Variants in MSI2 observed in about 807,000 individuals in gnomAD.
The protein encoded by MSI2 is RNA-binding protein Musashi homolog 2.
Under a neutral mutation model 45.6 loss-of-function variants are expected in MSI2, and 17 were observed. That is an observed-to-expected ratio of 0.37 (90% CI 0.26 to 0.56). MSI2 has a LOEUF of 0.56. Among genes scored for constraint, MSI2 ranks in the 20% least tolerant of loss-of-function variants. The pLI is 0.77. For synonymous variants in MSI2, 156 were observed against 158.2 expected (o/e 0.99, Z 0.11); for missense variants, 293 against 444.2 (o/e 0.66, Z 3.06).
intron 11 of MSI2, chr17:57,671,682 C>G (rs552848616): frequency 6.6e-6 from 1 of 152,048 alleles, no homozygotes; most frequent in African/African-American, 2.4e-5. Context: ...CGTAGCCAGC[C>G]AGTGTTCAGT....
intron 6 of MSI2, among the ~76,000 whole-genome samples, chr17:57,485,398 C>T (rs1369688148): frequency 6.6e-6 from 1 of 152,162 alleles, no homozygotes; most frequent in Admixed American, 6.5e-5. Flanking sequence ...CCATGTTGGC[C>T]TGTTGTTTAA....
rs1382996771 is a variant in MSI2, at chr17:57,596,536, C to T, written c.455-332C>T. ...CAGTGATCCACGAGGCTCTGGTTAG[C>T]CCACCCGCCTGCTGCCGTGCACAGA... On this transcript the variant is annotated intron_variant, in intron 7 of 13. Transcript: ENST00000284073. The surrounding 1 kb of genome is among the most constrained non-coding windows in gnomAD (Gnocchi z 4.6). Among the ~76,000 whole-genome samples the T allele has an allele frequency of 6.6e-6, 1 of 152,230 alleles. No homozygotes were observed. The highest frequency in any genetic ancestry group is 1.5e-5 in the Non-Finnish European group (1 of 68,042).
chr17:57,483,418 CT>C (rs2085687866), intron 6 of MSI2, among the ~76,000 whole-genome samples: 1 of 152,198 alleles, frequency 6.6e-6, no homozygotes. Context: ...CGAATCACCT[CT>C]GGGGCTTATT....
chr17:57,445,609 A>G (rs985255343), intron 6 of MSI2, among the ~76,000 whole-genome samples: 1 of 152,126 alleles, frequency 6.6e-6, no homozygotes, highest in Non-Finnish European at 1.5e-5. Context: ...TATAAAGATT[A>G]TAATGCATAC....
At chr17:57,293,328 C>T (rs1685281193) in intron 5 of MSI2, among the ~76,000 whole-genome samples, 1 of 152,056 alleles carries the variant, frequency 6.6e-6, no homozygotes, top group African/African-American at 2.4e-5. Context: ...ATGTACAGCT[C>T]GCATTCCAGC....
chr17:57,450,041 A>G (rs997396413), intron 6 of MSI2: 1 of 152,262 alleles, frequency 6.6e-6, no homozygotes. Flanking sequence ...CAAACAAACA[A>G]ACAAACAAAC....
intron 8 of MSI2, among the ~76,000 whole-genome samples, chr17:57,600,076 C>T (rs779277360): frequency 2.0e-5 from 3 of 152,170 alleles, no homozygotes; most frequent in African/African-American, 4.8e-5. Context: ...TTTTGTGATA[C>T]TGGTTTCTAC....
At chr17:57,284,119 C>A (rs536929379) in intron 5 of MSI2, among the ~76,000 whole-genome samples, 1 of 152,156 alleles carries the variant, frequency 6.6e-6, no homozygotes, top group Non-Finnish European at 1.5e-5. Context: ...AAAAGGGGCC[C>A]GCTGAGTTGA....
At chr17:57,592,907 C>A (rs531396042) in intron 7 of MSI2, among the ~76,000 whole-genome samples, 2 of 152,226 alleles carry the variant, frequency 1.3e-5, no homozygotes, top group South Asian at 2.1e-4. Flanking sequence ...TGCAGTGGAC[C>A]AGGAAGGAGT....
chr17:57,287,996 C>T (rs1910081478), intron 5 of MSI2, among the ~76,000 whole-genome samples: 2 of 152,184 alleles, frequency 1.3e-5, no homozygotes, highest in Admixed American at 1.3e-4. Flanking sequence ...TGAGCCTCCT[C>T]CTCCTCCTTT....
rs193004923 is a variant in MSI2, at chr17:57,656,751, C to G, written c.790+4590C>G. ...TTGGAACATCCAAGAGGAACCACCC[C>G]TAGTTTCCTCCAGTTCCCCAGGAAG... On this transcript the variant is annotated intron_variant, in intron 11 of 13. Transcript: ENST00000284073. Among the ~76,000 whole-genome samples the G allele has an allele frequency of 2.0e-5, 3 of 152,264 alleles. No homozygotes were observed. In the East Asian group the frequency reaches 5.8e-4, roughly 29 times the overall value.
intron 7 of MSI2, among the ~76,000 whole-genome samples, chr17:57,569,295 G>A (rs79872291): frequency 6.6e-6 from 1 of 152,204 alleles, no homozygotes; most frequent in Non-Finnish European, 1.5e-5. Flanking sequence ...TTGGAAATGG[G>A]CTCCAGTTTG....
chr17:57,351,120 T>C (rs1242166435), intron 5 of MSI2, among the ~76,000 whole-genome samples: 3 of 152,072 alleles, frequency 2.0e-5, no homozygotes, highest in African/African-American at 2.4e-5. Context: ...CTTCCCACCT[T>C]CTCTTGATAG....
chr17:57,342,584 C>T (rs905321978), intron 5 of MSI2, among the ~76,000 whole-genome samples: 6 of 152,174 alleles, frequency 3.9e-5, no homozygotes, highest in Admixed American at 1.3e-4. Context: ...CCAGACTGTC[C>T]GTTCTTCATT....
intron 7 of MSI2, among the ~76,000 whole-genome samples, chr17:57,553,699 G>GTGCCT (rs1215398702): frequency 1.2e-4 from 18 of 152,204 alleles, no homozygotes; most frequent in African/African-American, 3.4e-4. Context: ...CCCAGCTCAT[G>GTGCCT]TGCCTTTGTG....
chr17:57,338,101 T>C (rs1914823600), intron 5 of MSI2, among the ~76,000 whole-genome samples: 3 of 152,340 alleles, frequency 2.0e-5, no homozygotes, highest in Admixed American at 2.0e-4. Context: ...GTTTTTTATT[T>C]ATTTTTGAGA....
intron 7 of MSI2, among the ~76,000 whole-genome samples, chr17:57,544,400 G>T (rs976382236): frequency 1.1e-4 from 17 of 152,312 alleles, no homozygotes; most frequent in African/African-American, 4.1e-4. Flanking sequence ...AAACAAAGTG[G>T]TTTGAATCAG....
chr17:57,417,193 T>C (rs777457885), intron 6 of MSI2, among the ~76,000 whole-genome samples: 13 of 152,152 alleles, frequency 8.5e-5, no homozygotes, highest in Non-Finnish European at 1.9e-4. Flanking sequence ...AGCCTGAGCA[T>C]TGACCTGGAA....
chr17:57,501,729 C>G (rs2086111033), intron 6 of MSI2, among the ~76,000 whole-genome samples: 1 of 152,206 alleles, frequency 6.6e-6, no homozygotes, highest in South Asian at 2.1e-4. Context: ...CGAGACGGAC[C>G]TAGAATAGCC....
Sources: allele counts gnomAD v4.1 joint callset (sites outside exome capture counted in the v4.1 genomes callset), GRCh38; gene constraint gnomAD v4.1.1; non-coding constraint Gnocchi (gnomAD v3.1); transcripts MANE v1.5; gene names NCBI Gene and HGNC (gene_info 2026-07-23, HGNC 2026-07-21).